AGPAT3: variants seen among roughly 807,000 people sequenced by gnomAD.
The protein encoded by AGPAT3 is 1-acylglycerol-3-phosphate O-acyltransferase 3.
In AGPAT3, 5 loss-of-function variants were observed where a neutral mutation model predicts 47.3. The observed-to-expected ratio is 0.11, with a 90% CI of 0.06 to 0.22. AGPAT3 has a LOEUF of 0.22. Ranked by LOEUF, AGPAT3 falls within the 10% of genes least tolerant of loss-of-function variation. The pLI is 1.00. For missense variants in AGPAT3, 315 were observed against 493.0 expected (o/e 0.64, Z 3.42); for synonymous variants, 212 against 208.3 (o/e 1.02, Z -0.15).
chr21:43,971,258 G>A (rs3737358), intron 6 of AGPAT3, 130 bp from the exon 7 acceptor site: 70,122 of 735,684 alleles, frequency 0.095, 3,727 homozygotes, highest in South Asian at 0.14. Context: ...TTCTCCCCAG[G>A]ACGGGGCCAG....
chr21:43,928,083 G>A (rs778001980), intron 2 of AGPAT3, among the ~76,000 whole-genome samples: 3 of 152,206 alleles, frequency 2.0e-5, no homozygotes, highest in Non-Finnish European at 4.4e-5. Context: ...TGAACCAGCC[G>A]GACGCAGCTC....
chr21:43,954,031 AT>A lies in AGPAT3; in HGVS notation c.-48-5602del, dbSNP rs976541913. Among the ~76,000 whole-genome samples, 1 of 152,202 alleles carries A rather than the reference AT, an allele frequency of 6.6e-6. No individual in the cohort carries two copies. Among genetic ancestry groups the A allele is most frequent in the African/African-American group, 2.4e-5 (1 of 41,456 alleles). ...AATAGATGAAAAATAAAAAATAAAA[AT>A]GTAGACGTCAACTTCACATTGTCTG... On this transcript the variant is annotated intron_variant, in intron 2 of 9. Transcript: ENST00000291572. This position sits in a 1 kb window ranked among gnomAD's most constrained non-coding sequence, Gnocchi z 4.0.
At position 43,982,744 on chromosome 21, in the gene AGPAT3, C is replaced by G. The variant is rs2089896915; in HGVS notation, c.*352C>G. ...AATTTTTTGGTTTTTAATCAGTTAT[C>G]TTGGGAACTTAACCTGGCCCCTCAC... On this transcript the variant is annotated 3_prime_UTR_variant, in exon 10 of 10. Transcript: ENST00000291572. This position sits in a 1 kb window ranked among gnomAD's most constrained non-coding sequence, Gnocchi z 6.2. 1.6e-5 allele frequency: 3 copies of G among 189,402 alleles called. No homozygotes were observed. Among genetic ancestry groups the G allele is most frequent in the Non-Finnish European group, 3.3e-5 (3 of 92,240 alleles). 11.7% of individuals were successfully genotyped at this position (189,402 alleles called of 1,614,324 possible).
At chr21:43,917,138 T>A (rs1205488993) in intron 2 of AGPAT3, among the ~76,000 whole-genome samples, 2 of 151,978 alleles carry the variant, frequency 1.3e-5, no homozygotes. Context: ...CCCCATTTGC[T>A]GGGTTGTCCT....
chr21:43,965,914 G>C (rs1424819738), intron 3 of AGPAT3: 1 of 152,140 alleles, frequency 6.6e-6, no homozygotes, highest in African/African-American at 2.4e-5. Context: ...CACCCGTCCA[G>C]AATTTTAGAT....
intron 2 of AGPAT3, among the ~76,000 whole-genome samples, chr21:43,935,796 C>T (rs956076320): frequency 3.3e-5 from 5 of 152,108 alleles, no homozygotes; most frequent in Non-Finnish European, 7.4e-5. Context: ...CAGGCGGCCA[C>T]GGAGGAGCTC....
Position 43,934,823 on chromosome 21 carries a change from A to G in AGPAT3, c.-48-24811A>G, listed in dbSNP as rs1206034223. 7.1e-6 allele frequency among the ~76,000 whole-genome samples: 1 copy of G among 141,106 alleles called. No homozygotes were observed. Among genetic ancestry groups the G allele is most frequent in the African/African-American group, 2.7e-5 (1 of 37,292 alleles). 92.6% of individuals were successfully genotyped at this position (141,106 alleles called of 152,430 possible). On this transcript the variant is annotated intron_variant, in intron 2 of 9. Transcript: ENST00000291572. The surrounding 1 kb of genome is among the most constrained non-coding windows in gnomAD (Gnocchi z 4.7). The stretch of plus-strand genomic sequence containing the variant: ...CACCCATGCCACCCACACCACCTCT[A>G]CCCCTCACGTCACCGACGCCACTCA...
At chr21:43,925,944 T>C in intron 2 of AGPAT3, among the ~76,000 whole-genome samples, 1 of 152,252 alleles carries the variant, frequency 6.6e-6, no homozygotes, top group Non-Finnish European at 1.5e-5. Flanking sequence ...GCCATGTAGC[T>C]GCCTGCCCAG....
chr21:43,920,373 G>A lies in AGPAT3; in HGVS notation c.-49+16354G>A, dbSNP rs775308249. Among the ~76,000 whole-genome samples the A allele has an allele frequency of 2.0e-5, 3 of 152,208 alleles. No individual in the cohort carries two copies. Among genetic ancestry groups the A allele is most frequent in the Non-Finnish European group, 4.4e-5 (3 of 68,044 alleles). Reference sequence around the variant, plus strand: ...AGCGCAGCTGGGCAGGTGATGCTTGGTGAGTGTGATAGTGTGATGTAATCA... The same window carrying A: ...AGCGCAGCTGGGCAGGTGATGCTTGATGAGTGTGATAGTGTGATGTAATCA... On this transcript the variant is annotated intron_variant, in intron 2 of 9. Transcript: ENST00000291572. The surrounding 1 kb of genome is among the most constrained non-coding windows in gnomAD (Gnocchi z 6.1).
intron 1 of AGPAT3, among the ~76,000 whole-genome samples, chr21:43,902,619 T>A (rs551736820): frequency 1.5e-4 from 23 of 152,294 alleles, no homozygotes; most frequent in African/African-American, 4.8e-4. Context: ...ATGGCACCAA[T>A]CCCATTTTTG....
At chr21:43,901,044 G>T (rs940798635) in intron 1 of AGPAT3, among the ~76,000 whole-genome samples, 1 of 152,202 alleles carries the variant, frequency 6.6e-6, no homozygotes, top group African/African-American at 2.4e-5. Flanking sequence ...GCCCCCACCT[G>T]CAATTCCAGC....
chr21:43,953,362 G>C (rs1311289157), intron 2 of AGPAT3, among the ~76,000 whole-genome samples: 1 of 152,218 alleles, frequency 6.6e-6, no homozygotes, highest in African/African-American at 2.4e-5. Flanking sequence ...TGTGCTCATG[G>C]TGTCCTAGTG....
At chr21:43,892,109 C>T (rs1049784002) in intron 1 of AGPAT3, among the ~76,000 whole-genome samples, 13 of 152,056 alleles carry the variant, frequency 8.5e-5, no homozygotes, top group African/African-American at 3.1e-4. Flanking sequence ...GAGTTTGAGA[C>T]CAGCACGGCC....
chr21:43,945,091 A>G (rs1021974932), intron 2 of AGPAT3, among the ~76,000 whole-genome samples: 1 of 152,236 alleles, frequency 6.6e-6, no homozygotes, highest in Admixed American at 6.5e-5. Flanking sequence ...TGCATGTTTT[A>G]ACAGCACCTA....
chr21:43,979,725 C>A (rs1049735980), intron 8 of AGPAT3, among the ~76,000 whole-genome samples: 6 of 152,276 alleles, frequency 3.9e-5, no homozygotes, highest in African/African-American at 1.2e-4. Context: ...TTTATACAAA[C>A]AACATAGTTC....
chr21:43,915,091 C>T (rs2086698790), intron 2 of AGPAT3, among the ~76,000 whole-genome samples: 2 of 151,508 alleles, frequency 1.3e-5, no homozygotes, highest in Admixed American at 1.3e-4. Flanking sequence ...TGGAGTCTTC[C>T]TCTGTCACCC....
chr21:43,980,747 C>G (rs1229023699), intron 8 of AGPAT3, among the ~76,000 whole-genome samples: 1 of 152,168 alleles, frequency 6.6e-6, no homozygotes, highest in African/African-American at 2.4e-5. Context: ...GATTATTTTC[C>G]TGGGAGACTT....
At chr21:43,976,134 T>G (rs976242062) in intron 7 of AGPAT3, among the ~76,000 whole-genome samples, 1 of 152,096 alleles carries the variant, frequency 6.6e-6, no homozygotes, top group Admixed American at 6.6e-5. Context: ...GTGGTGCAAT[T>G]TCATCTCACT....
Position 43,939,492 on chromosome 21 carries a change from G to A in AGPAT3, c.-48-20142G>A, listed in dbSNP as rs1006638442. Among the ~76,000 whole-genome samples the A allele has an allele frequency of 3.9e-5, 6 of 152,298 alleles. No homozygotes were observed. Among genetic ancestry groups the A allele is most frequent in the Admixed American group, 2.0e-4 (3 of 15,300 alleles). On this transcript the variant is annotated intron_variant, in intron 2 of 9. Transcript: ENST00000291572. The surrounding 1 kb of genome is among the most constrained non-coding windows in gnomAD (Gnocchi z 4.4). ...GCCTGACTTCTGGAGGATAAGAGGC[G>A]GCCCACCCCACAGCTCTTCCAGCGT...
Sources: gnomAD v4.1 joint callset for allele counts (sites outside exome capture counted in the v4.1 genomes callset) on GRCh38, gnomAD v4.1.1 for gene constraint, Gnocchi (gnomAD v3.1) non-coding constraint, MANE v1.5 for transcripts, NCBI Gene and HGNC (gene_info 2026-07-23, HGNC 2026-07-21) for gene names.